The following TANC2 variants were observed in gnomAD, a reference collection of about 807,000 sequenced individuals.
TANC2 encodes the protein protein TANC2.
TANC2 carries 26 observed loss-of-function variants against 210.5 expected under a neutral mutation model. The observed-to-expected ratio is 0.12, with a 90% CI of 0.09 to 0.17. The LOEUF (loss-of-function observed/expected upper bound fraction) is 0.17, where lower values mean the gene tolerates loss of function less well. Among genes scored for constraint, TANC2 ranks in the 10% least tolerant of loss-of-function variants. The pLI, the probability that TANC2 is intolerant of heterozygous loss-of-function variation, is 1.00. For missense variants in TANC2, 2,129 were observed against 2,608.9 expected, an observed-to-expected ratio of 0.82 and a Z score of 4.01; for synonymous variants, 931 against 967.1, an observed-to-expected ratio of 0.96 and a Z score of 0.69.
chr17:63,315,623 A>G (rs1352426241), intron 10 of TANC2, among the ~76,000 whole-genome samples: 2 of 152,282 alleles, frequency 1.3e-5, no homozygotes, highest in East Asian at 1.9e-4. Context: ...AGTCCAAATC[A>G]ATAATCTAGC....
chr17:63,278,518 C>G lies in TANC2; in HGVS notation c.1159+10645C>G, dbSNP rs191639679. Among the ~76,000 whole-genome samples, 525 of 151,950 alleles carry G rather than the reference C, an allele frequency of 3.5e-3. 3 individuals carry two copies. The highest frequency in any genetic ancestry group is 5.5e-3 in the Non-Finnish European group (374 of 67,968). The stretch of plus-strand genomic sequence containing the variant: ...GATGTAGAGAAATTGGAACCCCATA[C>G]ACTGTTGGTGGGAATGTAAAATGGT... On this transcript the variant is annotated intron_variant, in intron 9 of 27. Coordinates refer to ENST00000689528, the Ensembl canonical transcript of TANC2.
intron 9 of TANC2, among the ~76,000 whole-genome samples, chr17:63,310,635 C>T (rs2045091520): frequency 6.6e-6 from 1 of 152,070 alleles, no homozygotes. Context: ...AAGCCATGAA[C>T]AGGCAATTCA....
chr17:63,389,755 G>A (rs1567976857), intron 17 of TANC2: 1 of 578,334 alleles, frequency 1.7e-6, no homozygotes. Flanking sequence ...TTTGAGAGGT[G>A]CTTGGGAAAC....
chr17:63,072,828 AATT>A (rs1202048952), intron 2 of TANC2, among the ~76,000 whole-genome samples: 1 of 152,096 alleles, frequency 6.6e-6, no homozygotes, highest in Non-Finnish European at 1.5e-5. Flanking sequence ...AATTGGATTT[AATT>A]ATTGCTAGGC....
At chr17:63,250,850 A>G (rs1211493448) in intron 8 of TANC2, among the ~76,000 whole-genome samples, 1 of 152,176 alleles carries the variant, frequency 6.6e-6, no homozygotes, top group Non-Finnish European at 1.5e-5. Flanking sequence ...ACTATGCTAG[A>G]AGGTGGTGTA....
chr17:63,177,516 T>A (rs1322000024), intron 5 of TANC2, among the ~76,000 whole-genome samples: 1 of 151,976 alleles, frequency 6.6e-6, no homozygotes, highest in Non-Finnish European at 1.5e-5. Context: ...GCTAATTAAG[T>A]TATGGTTGTA....
chr17:63,251,125 C>A (rs532367870), intron 8 of TANC2, among the ~76,000 whole-genome samples: 2 of 152,264 alleles, frequency 1.3e-5, no homozygotes, highest in South Asian at 4.1e-4. Flanking sequence ...GCATTTCTTT[C>A]TTGTTCTCAA....
chr17:63,238,194 T>C lies in TANC2; in HGVS notation c.1033+117T>C, dbSNP rs2042675887. On this transcript the variant is annotated intron_variant, in intron 8 of 27. Coordinates refer to ENST00000689528, the Ensembl canonical transcript of TANC2. ...AGTATTTAAATTTTCCATTCATCTT[T>C]TCTGACTAAGCTGTTCTTTTGTGTT... is the stretch of plus-strand genomic sequence containing the variant. The C allele has an allele frequency of 2.3e-6, 3 of 1,279,470 alleles. No individual in the cohort carries two copies. In the South Asian group the frequency reaches 5.1e-5, roughly 22 times the overall value. 79.3% of individuals were successfully genotyped at this position (1,279,470 alleles called of 1,614,324 possible).
exon 14 of TANC2, chr17:63,354,857 C>A: frequency 6.2e-7 from 1 of 1,613,386 alleles, no homozygotes; most frequent in South Asian, 1.1e-5. Flanking sequence ...TAGACCAGGA[C>A]CTGCAGGCTT....
intron 4 of TANC2, among the ~76,000 whole-genome samples, chr17:63,144,391 G>A (rs1177416300): frequency 1.3e-5 from 2 of 152,068 alleles, no homozygotes; most frequent in Non-Finnish European, 2.9e-5. Flanking sequence ...TTGCCACACT[G>A]CATACATGTT....
intron 2 of TANC2, among the ~76,000 whole-genome samples, chr17:63,037,139 A>C (rs2035006059): frequency 6.6e-6 from 1 of 152,324 alleles, no homozygotes; most frequent in East Asian, 1.9e-4. Flanking sequence ...TACTTTATTC[A>C]TCCTTCTTGA....
intron 1 of TANC2, among the ~76,000 whole-genome samples, chr17:63,005,433 C>A (rs1234765633): frequency 6.6e-6 from 1 of 151,626 alleles, no homozygotes; most frequent in Non-Finnish European, 1.5e-5. Context: ...CATTTCCTTG[C>A]ATTATCATGT....
At chr17:63,296,022 CTGAA>C (rs1321118205) in intron 9 of TANC2, among the ~76,000 whole-genome samples, 1 of 152,098 alleles carries the variant, frequency 6.6e-6, no homozygotes, top group Non-Finnish European at 1.5e-5. Context: ...GTGCATCTGT[CTGAA>C]TGTCTGCTTT....
At chr17:63,425,854 C>G (rs767416299) in exon 28 of TANC2, 2 of 152,292 alleles carry the variant, frequency 1.3e-5, no homozygotes, top group Admixed American at 1.3e-4. Flanking sequence ...GAAGCCCCTT[C>G]TTCCCCATGA....
chr17:63,311,020 T>C (rs2045106990), intron 9 of TANC2, among the ~76,000 whole-genome samples: 1 of 152,240 alleles, frequency 6.6e-6, no homozygotes, highest in Non-Finnish European at 1.5e-5. Context: ...AACTAGAGCA[T>C]AGTAGATAAG....
At chr17:62,971,065 C>G (rs886299842) in intron 1 of TANC2, among the ~76,000 whole-genome samples, 1 of 151,856 alleles carries the variant, frequency 6.6e-6, no homozygotes, top group African/African-American at 2.4e-5. Context: ...ATATACTATA[C>G]AAATAAATAG....
At chr17:63,074,787 A>C (rs2036516225) in intron 3 of TANC2, among the ~76,000 whole-genome samples, 1 of 152,178 alleles carries the variant, frequency 6.6e-6, no homozygotes, top group South Asian at 2.1e-4. Flanking sequence ...AAAGAGAATG[A>C]GTTGAGAACC....
chr17:63,282,059 T>C (rs2146354612), intron 9 of TANC2, among the ~76,000 whole-genome samples: 1 of 152,148 alleles, frequency 6.6e-6, no homozygotes, highest in East Asian at 1.9e-4. Flanking sequence ...ATGGCAGCCC[T>C]AAGAAATTAA....
At chr17:63,229,132 CATGAAGGGATGTTG>C (rs1341399910) in intron 7 of TANC2, among the ~76,000 whole-genome samples, 1 of 152,096 alleles carries the variant, frequency 6.6e-6, no homozygotes, top group Non-Finnish European at 1.5e-5. Flanking sequence ...GAGTTTTCTA[CATGAAGGGATGTTG>C]AATTTTATGG....
Sources: allele counts gnomAD v4.1 joint callset (sites outside exome capture counted in the v4.1 genomes callset), GRCh38; gene constraint gnomAD v4.1.1; transcripts MANE v1.5; gene names NCBI Gene and HGNC (gene_info 2026-07-23, HGNC 2026-07-21).